Variants in TMEM181 observed in about 807,000 individuals in gnomAD.
TMEM181 encodes the protein G protein-coupled receptor 178.
A neutral mutation model predicts 71.9 loss-of-function variants in TMEM181; 39 were observed. The observed-to-expected ratio is 0.54, with a 90% CI of 0.42 to 0.71. TMEM181 has a LOEUF of 0.71. Ranked by LOEUF, TMEM181 falls within the 30% of genes least tolerant of loss-of-function variation. The pLI, the probability that TMEM181 is intolerant of heterozygous loss-of-function variation, is 0.00. For synonymous variants in TMEM181, 245 were observed against 228.8 expected (o/e 1.07, Z -0.64); for missense variants, 595 against 583.0 (o/e 1.02, Z -0.21).
chr6:158,605,486 A>G, intron 7 of TMEM181, 139 bp downstream of exon 7: 1 of 780,596 alleles, frequency 1.3e-6, no homozygotes, highest in Non-Finnish European at 2.2e-6. Context: ...TGCTGATATT[A>G]CAACTCTGTG....
chr6:158,605,253 ACTTT>A lies in TMEM181; in HGVS notation c.493-11_493-8del. On this transcript the variant is annotated splice_polypyrimidine_tract_variant and intron_variant, in intron 6 of 16. Coordinates refer to ENST00000684151, the MANE Select transcript of TMEM181 (RefSeq NM_001376852.1). Reference sequence around the variant, plus strand: ...ATATTTTTTTCAAATTGTTTTCTCCACTTTCTATTTTAGTGGAAGACTTATAACC... The same window carrying A: ...ATATTTTTTTCAAATTGTTTTCTCCACTATTTTAGTGGAAGACTTATAACC... 1 of 1,610,132 alleles carries A rather than the reference ACTTT, an allele frequency of 6.2e-7. No homozygotes were observed. Among genetic ancestry groups the A allele is most frequent in the Non-Finnish European group, 8.5e-7 (1 of 1,177,704 alleles).
intron 11 of TMEM181, among the ~76,000 whole-genome samples, chr6:158,624,901 G>T (rs1190935254): frequency 6.6e-6 from 1 of 152,204 alleles, no homozygotes; most frequent in Non-Finnish European, 1.5e-5. Flanking sequence ...CTGGGGTGTC[G>T]TCCACCTCAG....
At chr6:158,585,257 T>C in intron 4 of TMEM181, 47 bp from the exon 5 acceptor site, 1 of 1,528,858 alleles carries the variant, frequency 6.5e-7, no homozygotes, top group Non-Finnish European at 8.8e-7. Context: ...TTTGTAGGTG[T>C]GATGTGCCTG....
chr6:158,564,059 T>C (rs1393186032), intron 1 of TMEM181, among the ~76,000 whole-genome samples: 1 of 152,272 alleles, frequency 6.6e-6, no homozygotes, highest in East Asian at 1.9e-4. Context: ...ATTACAGGCA[T>C]GAGCCACTGC....
chr6:158,603,625 C>T (rs1784790716), intron 6 of TMEM181, among the ~76,000 whole-genome samples: 1 of 140,300 alleles, frequency 7.1e-6, no homozygotes. Context: ...TTTTAGATAG[C>T]TTCTATTGCT....
chr6:158,570,659 G>A (rs1375615088), intron 1 of TMEM181, among the ~76,000 whole-genome samples: 3 of 152,142 alleles, frequency 2.0e-5, no homozygotes, highest in Non-Finnish European at 4.4e-5. Flanking sequence ...CTGAGACAGC[G>A]CTGCAGGCTC....
chr6:158,537,288 G>C (rs1008882830), intron 1 of TMEM181, among the ~76,000 whole-genome samples: 5 of 152,084 alleles, frequency 3.3e-5, no homozygotes, highest in African/African-American at 1.2e-4. Context: ...CGCGCGCTGC[G>C]GCGTCGGGAG....
chr6:158,617,280 T>C (rs1209169613), intron 10 of TMEM181, among the ~76,000 whole-genome samples: 1 of 152,226 alleles, frequency 6.6e-6, no homozygotes, highest in Non-Finnish European at 1.5e-5. Context: ...TAGAGGTGTT[T>C]ATAGTACTCT....
chr6:158,613,914 C>A (rs1456670284), intron 10 of TMEM181, among the ~76,000 whole-genome samples: 2 of 152,138 alleles, frequency 1.3e-5, no homozygotes, highest in Non-Finnish European at 2.9e-5. Context: ...TAAGGATTGG[C>A]AGTGTCCTGT....
At chr6:158,618,038 G>A (rs1039705489) in intron 10 of TMEM181, among the ~76,000 whole-genome samples, 12 of 152,086 alleles carry the variant, frequency 7.9e-5, no homozygotes, top group African/African-American at 2.4e-4. Context: ...ATCCTTGTTA[G>A]CTTTCTGTCT....
At chr6:158,576,155 TC>T (rs1783141125) in intron 2 of TMEM181, among the ~76,000 whole-genome samples, 1 of 152,194 alleles carries the variant, frequency 6.6e-6, no homozygotes, top group Non-Finnish European at 1.5e-5. Flanking sequence ...GCTTGCCACT[TC>T]GAAGGGAATG....
intron 1 of TMEM181, among the ~76,000 whole-genome samples, chr6:158,562,955 G>C (rs1782270504): frequency 6.6e-6 from 1 of 152,180 alleles, no homozygotes; most frequent in Non-Finnish European, 1.5e-5. Context: ...AGGCTTTAGA[G>C]CTGAGCCCAA....
At chr6:158,539,045 G>C (rs371662877) in intron 1 of TMEM181, among the ~76,000 whole-genome samples, 4 of 152,294 alleles carry the variant, frequency 2.6e-5, no homozygotes, top group South Asian at 4.1e-4. Context: ...ATTTTACACG[G>C]GACAAGTGAC....
chr6:158,628,876 G>A (rs1786495528), intron 14 of TMEM181, among the ~76,000 whole-genome samples: 2 of 152,234 alleles, frequency 1.3e-5, no homozygotes, highest in African/African-American at 4.8e-5. Flanking sequence ...AGCCCCTACT[G>A]CCCTCCAGCA....
intron 1 of TMEM181, among the ~76,000 whole-genome samples, chr6:158,542,584 A>G (rs1461258629): frequency 1.3e-5 from 2 of 152,140 alleles, no homozygotes; most frequent in African/African-American, 4.8e-5. Context: ...GCTATTGCCC[A>G]TACAGCAGAG....
chr6:158,597,638 C>A (rs992651736), intron 6 of TMEM181, among the ~76,000 whole-genome samples: 1 of 152,108 alleles, frequency 6.6e-6, no homozygotes, highest in Admixed American at 6.5e-5. Context: ...GTAGCTGGAA[C>A]CAGACAGGCA....
chr6:158,632,241 G>GC lies in TMEM181; in HGVS notation c.*353_*354insC. On this transcript the variant is annotated 3_prime_UTR_variant, in exon 17 of 17. Coordinates refer to ENST00000684151, the MANE Select transcript of TMEM181 (RefSeq NM_001376852.1). Reference sequence around the variant, plus strand: ...ATCATTCACTGATTCCAAGTTCACGGGCAGCCTGTGACTAGGTCCTCAGCG... The same window carrying GC: ...ATCATTCACTGATTCCAAGTTCACGGCGCAGCCTGTGACTAGGTCCTCAGCG... 4.0e-6 allele frequency: 1 copy of GC among 250,808 alleles called. No individual in the cohort carries two copies. Among genetic ancestry groups the GC allele is most frequent in the Non-Finnish European group, 8.0e-6 (1 of 125,042 alleles). 15.5% of individuals were successfully genotyped at this position (250,808 alleles called of 1,614,324 possible).
At chr6:158,616,350 C>G (rs1426326345) in intron 10 of TMEM181, among the ~76,000 whole-genome samples, 4 of 152,102 alleles carry the variant, frequency 2.6e-5, no homozygotes, top group Non-Finnish European at 5.9e-5. Context: ...CTGAGACTTT[C>G]CTAAAGTTGC....
chr6:158,573,836 C>CCCA (rs1562629169), intron 2 of TMEM181, among the ~76,000 whole-genome samples: 3 of 151,964 alleles, frequency 2.0e-5, no homozygotes, highest in African/African-American at 7.3e-5. Context: ...CCCAGCTGGG[C>CCCA]GCTGGTGTGT....
Sources: gnomAD v4.1 joint callset for allele counts (sites outside exome capture counted in the v4.1 genomes callset) on GRCh38, gnomAD v4.1.1 for gene constraint, MANE v1.5 for transcripts, NCBI Gene and HGNC (gene_info 2026-07-23, HGNC 2026-07-21) for gene names.